Variants in EFNA5 observed in about 807,000 individuals in gnomAD.
The protein encoded by EFNA5 is ephrin-A5.
In EFNA5, 5 loss-of-function variants were observed where a neutral mutation model predicts 22.9. The observed-to-expected ratio is 0.22, with a 90% CI of 0.11 to 0.46. The LOEUF (loss-of-function observed/expected upper bound fraction) is 0.46, where lower values mean the gene tolerates loss of function less well. Ranked by LOEUF, EFNA5 falls within the 20% of genes least tolerant of loss-of-function variation. The pLI, the probability that EFNA5 is intolerant of heterozygous loss-of-function variation, is 0.99. For missense variants in EFNA5, 237 were observed against 293.3 expected, an observed-to-expected ratio of 0.81 and a Z score of 1.40; for synonymous variants, 113 against 112.2, an observed-to-expected ratio of 1.01 and a Z score of -0.04.
At chr5:107,651,393 G>A (rs1750726614) in intron 1 of EFNA5, among the ~76,000 whole-genome samples, 2 of 152,126 alleles carry the variant, frequency 1.3e-5, no homozygotes, top group East Asian at 3.9e-4. Context: ...TACTTCTGTG[G>A]CCTATAAAGC....
chr5:107,405,482 T>C (rs969736521), intron 2 of EFNA5, among the ~76,000 whole-genome samples: 10 of 152,190 alleles, frequency 6.6e-5, no homozygotes, highest in African/African-American at 1.9e-4. Context: ...AAGGTGACTT[T>C]GTATCTATTT....
chr5:107,509,739 G>A (rs1033903483), intron 1 of EFNA5, among the ~76,000 whole-genome samples: 2 of 152,054 alleles, frequency 1.3e-5, no homozygotes, highest in African/African-American at 2.4e-5. Flanking sequence ...GCCTTCACGA[G>A]GGCAGAAATT....
chr5:107,654,443 T>C (rs1750786936), intron 1 of EFNA5, among the ~76,000 whole-genome samples: 1 of 152,128 alleles, frequency 6.6e-6, no homozygotes, highest in African/African-American at 2.4e-5. Flanking sequence ...TTACTAAAGA[T>C]TTGTTAGATA....
At chr5:107,551,395 A>C (rs1296261344) in intron 1 of EFNA5, among the ~76,000 whole-genome samples, 2 of 151,668 alleles carry the variant, frequency 1.3e-5, no homozygotes, top group Non-Finnish European at 2.9e-5. Flanking sequence ...AAACCATTAC[A>C]CTCTTCTGCC....
intron 1 of EFNA5, among the ~76,000 whole-genome samples, chr5:107,664,552 T>C (rs1425108626): frequency 1.3e-5 from 2 of 152,194 alleles, no homozygotes; most frequent in African/African-American, 4.8e-5. Flanking sequence ...AATTTATTGA[T>C]GTTTGGCTGT....
Position 107,411,735 on chromosome 5 carries a change from G to A in EFNA5, c.418+15482C>T, listed in dbSNP as rs535101294. Among the ~76,000 whole-genome samples the A allele has an allele frequency of 9.9e-5, 15 of 152,260 alleles. No homozygotes were observed. The South Asian group carries it at 2.7e-3, about 27-fold the overall frequency. On this transcript the variant is annotated intron_variant, in intron 2 of 4. Transcript: ENST00000333274. ...CATGGCTCACACCAACTATAGGCAT[G>A]GCCATCACGCCTGGCTATTTTTAAA...
intron 2 of EFNA5, among the ~76,000 whole-genome samples, chr5:107,412,153 C>T (rs1748384510): frequency 6.6e-6 from 1 of 152,058 alleles, no homozygotes; most frequent in Non-Finnish European, 1.5e-5. Flanking sequence ...TTGGGTGATA[C>T]TAACTTTGGG....
chr5:107,509,824 T>C (rs1288590007), intron 1 of EFNA5, among the ~76,000 whole-genome samples: 1 of 152,168 alleles, frequency 6.6e-6, no homozygotes, highest in Non-Finnish European at 1.5e-5. Flanking sequence ...TCAATAAATA[T>C]CTGTGTATTG....
intron 1 of EFNA5, among the ~76,000 whole-genome samples, chr5:107,582,267 C>T (rs903075021): frequency 2.6e-5 from 4 of 152,102 alleles, no homozygotes; most frequent in Non-Finnish European, 4.4e-5. Flanking sequence ...AACAGGTACT[C>T]AAAAAATATG....
chr5:107,472,762 C>T (rs1580475133), intron 1 of EFNA5, among the ~76,000 whole-genome samples: 1 of 152,202 alleles, frequency 6.6e-6, no homozygotes, highest in African/African-American at 2.4e-5. Flanking sequence ...TTATTTGCAC[C>T]AAAAAGGTAC....
chr5:107,396,696 T>A (rs1449166789), intron 2 of EFNA5, among the ~76,000 whole-genome samples: 1 of 152,126 alleles, frequency 6.6e-6, no homozygotes, highest in Non-Finnish European at 1.5e-5. Flanking sequence ...GACTTGTTAT[T>A]TTGTGTGTGT....
intron 1 of EFNA5, among the ~76,000 whole-genome samples, chr5:107,660,276 ATATAT>A (rs1561462883): frequency 0.038 from 2,133 of 56,468 alleles, 91 homozygotes; most frequent in East Asian, 0.074. Context: ...ATATATATAT[ATATAT>A]ATATATATAT....
intron 1 of EFNA5, among the ~76,000 whole-genome samples, chr5:107,626,877 A>G (rs1750152729): frequency 6.6e-6 from 1 of 152,184 alleles, no homozygotes; most frequent in Non-Finnish European, 1.5e-5. Context: ...GCAAAAATGA[A>G]TGGATGCCTA....
chr5:107,596,002 A>G (rs1044353819), intron 1 of EFNA5, among the ~76,000 whole-genome samples: 4 of 152,204 alleles, frequency 2.6e-5, no homozygotes, highest in African/African-American at 7.2e-5. Context: ...ATTGCCTCAG[A>G]AAAAAATATT....
At chr5:107,536,584 C>T (rs1274668765) in intron 1 of EFNA5, among the ~76,000 whole-genome samples, 3 of 152,146 alleles carry the variant, frequency 2.0e-5, no homozygotes, top group African/African-American at 7.2e-5. Context: ...GGATGGTCAA[C>T]ATACCACCCT....
chr5:107,470,259 T>G (rs1214023221), intron 1 of EFNA5, among the ~76,000 whole-genome samples: 2 of 152,220 alleles, frequency 1.3e-5, no homozygotes, highest in Non-Finnish European at 2.9e-5. Context: ...AACTTGCTGC[T>G]TCTGGGGCTA....
intron 1 of EFNA5, among the ~76,000 whole-genome samples, chr5:107,478,580 A>T (rs1383079901): frequency 6.6e-6 from 1 of 152,220 alleles, no homozygotes; most frequent in African/African-American, 2.4e-5. Flanking sequence ...GGGAAGTCAT[A>T]AAAGTCAGAC....
intron 1 of EFNA5, among the ~76,000 whole-genome samples, chr5:107,648,342 A>T (rs1288889956): frequency 6.6e-6 from 1 of 152,182 alleles, no homozygotes; most frequent in East Asian, 1.9e-4. Context: ...TATGTAACTA[A>T]AATACTTATA....
intron 4 of EFNA5, among the ~76,000 whole-genome samples, chr5:107,385,592 G>A (rs1158773661): frequency 1.3e-5 from 2 of 152,156 alleles, no homozygotes; most frequent in African/African-American, 4.8e-5. Flanking sequence ...GTTGGAATAG[G>A]AGTCAGAAGA....
Sources: allele counts gnomAD v4.1 joint callset (sites outside exome capture counted in the v4.1 genomes callset), GRCh38; gene constraint gnomAD v4.1.1; transcripts MANE v1.5; gene names NCBI Gene and HGNC (gene_info 2026-07-23, HGNC 2026-07-21).